KIF25: variants seen among roughly 807,000 people sequenced by gnomAD.
The protein encoded by KIF25 is kinesin-like protein KIF25.
KIF25 carries 19 observed loss-of-function variants against 32.9 expected under a neutral mutation model. The ratio of observed to expected loss-of-function variants is 0.58; its 90% confidence interval spans 0.40 to 0.85. KIF25 has a LOEUF of 0.85. Among genes scored for constraint, KIF25 ranks in the 40% least tolerant of loss-of-function variants. KIF25 has a pLI of 0.00. For missense variants in KIF25, 485 were observed against 507.0 expected (o/e 0.96, Z 0.42); for synonymous variants, 225 against 213.7 (o/e 1.05, Z -0.46).
chr6:168,029,672 C>T lies in KIF25; in HGVS notation c.87C>T (p.Asp29=), dbSNP rs756473649. The stretch of plus-strand genomic sequence containing the variant: ...TCCTGGCCTTCCCAGATGACAAGGA[C>T]CTCAGGTCAGCTTCAGCGTGAGAAG... ...GAVLAFPDDK[D]LRVYGPAESQ... is the part of the protein sequence containing the mutation. Residue 29 remains aspartate, a synonymous_variant, in exon 6 of 13, where the codon GAC becomes GAT. Coordinates refer to ENST00000643607, the MANE Select transcript of KIF25 (RefSeq NM_030615.4). The T allele has an allele frequency of 6.2e-7, 1 of 1,603,950 alleles. No individual in the cohort carries two copies. Among genetic ancestry groups the T allele is most frequent in the Non-Finnish European group, 8.5e-7 (1 of 1,176,110 alleles).
Position 168,038,000 on chromosome 6 carries a change from C to T in KIF25, c.318-553C>T, listed in dbSNP as rs146764643. On this transcript the variant is annotated intron_variant, in intron 8 of 12. Coordinates refer to ENST00000643607, the MANE Select transcript of KIF25 (RefSeq NM_030615.4). ...AAGTGCTGGAATTACAGGTGTGAGC[C>T]ACCGTGCCTGGCTGTGCAGCTGCTT... Among the ~76,000 whole-genome samples the T allele has an allele frequency of 4.4e-3, 664 of 152,214 alleles. 7 individuals are homozygous for T. Among genetic ancestry groups the T allele is most frequent in the African/African-American group, 0.015 (643 of 41,506 alleles).
intron 5 of KIF25, among the ~76,000 whole-genome samples, chr6:168,024,130 A>C (rs374398409): frequency 1.6e-4 from 25 of 152,262 alleles, no homozygotes; most frequent in African/African-American, 6.0e-4. Flanking sequence ...GAGCAAAGCC[A>C]GTCTTCACGT....
At chr6:168,042,439 C>T in intron 11 of KIF25, 122 bp from the exon 12 acceptor site, 1 of 1,243,652 alleles carries the variant, frequency 8.0e-7, no homozygotes, top group Non-Finnish European at 1.1e-6. Flanking sequence ...CACTCTCATG[C>T]CTGTCCCGTC....
rs1252580329 is a variant in KIF25 at position 168,040,154 on chromosome 6, C to T, written c.584C>T (p.Ser195Phe). 6.2e-7 allele frequency: 1 copy of T among 1,614,090 alleles called. No individual in the cohort carries two copies. The highest frequency in any genetic ancestry group is 1.1e-5 in the South Asian group (1 of 91,086). The part of the protein sequence containing the change: ...AKHPTLVHAD[S>F]SRSHLIITVT... ...CACCCCACCCTGGTGCACGCGGATT[C>T]CTCCAGGTCTCACCTGATAATTACG... The change falls in exon 10 of 13, where the codon TCC becomes TTC. Residue 195 changes from serine (S) to phenylalanine (F), a missense_variant. Ser to Phe is a radical substitution (Grantham distance 155). Around this residue, in one of 2 missense-constraint regions of KIF25, gnomAD observed 480 missense variants for 470.3 expected, o/e 1.02. Transcript: ENST00000643607.
chr6:168,005,405 C>T (rs1583124803), intron 4 of KIF25, among the ~76,000 whole-genome samples: 2 of 152,142 alleles, frequency 1.3e-5, no homozygotes, highest in East Asian at 3.9e-4. Context: ...CGGGGTTGGG[C>T]AGAGGCCACT....
At chr6:168,025,300 C>T (rs1019536062) in intron 5 of KIF25, among the ~76,000 whole-genome samples, 3 of 152,126 alleles carry the variant, frequency 2.0e-5, no homozygotes, top group Non-Finnish European at 2.9e-5. Flanking sequence ...CGGTTGGAGG[C>T]CGCTGCTCCA....
At chr6:168,034,069 G>T (rs1301374250) in intron 8 of KIF25, 38 bp downstream of exon 8, 1 of 1,607,476 alleles carries the variant, frequency 6.2e-7, no homozygotes, top group Non-Finnish European at 8.5e-7. Context: ...GAGAAATATG[G>T]CAGGGAAGCC....
chr6:168,040,564 TAAA>T (rs552500284), intron 10 of KIF25, among the ~76,000 whole-genome samples: 5 of 146,048 alleles, frequency 3.4e-5, no homozygotes, highest in African/African-American at 7.5e-5. Context: ...AAAACTCTGT[TAAA>T]AAAAAAAAGA....
intron 11 of KIF25, 73 bp from the exon 12 acceptor site, chr6:168,042,488 C>A: frequency 6.5e-7 from 1 of 1,547,398 alleles, no homozygotes; most frequent in Non-Finnish European, 8.8e-7. Context: ...CCGCTCCTCC[C>A]AAGGAGCCGG....
At chr6:168,044,189 G>A (rs542988187) in intron 12 of KIF25, among the ~76,000 whole-genome samples, 5 of 150,496 alleles carry the variant, frequency 3.3e-5, no homozygotes, top group East Asian at 2.0e-4. Flanking sequence ...GCTAGTGACC[G>A]GCTGCTGACC....
chr6:168,028,774 C>A (rs937568453), intron 5 of KIF25, among the ~76,000 whole-genome samples: 1 of 152,150 alleles, frequency 6.6e-6, no homozygotes, highest in Non-Finnish European at 1.5e-5. Context: ...TTTTCAGGAG[C>A]CTTTTTATCA....
chr6:168,006,778 C>G (rs774047603), intron 4 of KIF25, among the ~76,000 whole-genome samples: 1 of 128,504 alleles, frequency 7.8e-6, no homozygotes, highest in Non-Finnish European at 1.8e-5. Flanking sequence ...ATATGCGGTT[C>G]TACAAGGCCC....
In KIF25 at chr6:168,044,818, A is replaced by G. The variant is rs773032094; in HGVS notation, c.986-9A>G. 3.2e-6 allele frequency: 5 copies of G among 1,573,950 alleles called. No individual in the cohort carries two copies. On this transcript the variant is annotated splice_polypyrimidine_tract_variant and intron_variant, in intron 12 of 12. Transcript: ENST00000643607. ...TTTCCAGCTTGCATGTTGTTTTTCT[A>G]TTTTAAAGGAGGCGATGCGAAGTTA... is the stretch of plus-strand genomic sequence containing the variant.
At chr6:168,036,183 A>C in intron 8 of KIF25, 1 of 163,802 alleles carries the variant, frequency 6.1e-6, no homozygotes, top group Non-Finnish European at 1.3e-5. Context: ...CTTTCTTCTA[A>C]ACCTGGTTGT....
In KIF25 at chr6:168,043,455, G is replaced by A. The variant is rs959833972; in HGVS notation, c.985+739G>A. Among the ~76,000 whole-genome samples, 5 of 152,328 alleles carry A rather than the reference G, an allele frequency of 3.3e-5. 1 individual carries two copies. Among genetic ancestry groups the A allele is most frequent in the Admixed American group, 2.0e-4 (3 of 15,308 alleles). On this transcript the variant is annotated intron_variant, in intron 12 of 12. Coordinates refer to ENST00000643607, the MANE Select transcript of KIF25 (RefSeq NM_030615.4). ...GGGCCACCCTGGGAGGTGGTGGAGG[G>A]GCCGCTGGTGCTCGGGACTCGGGGA...
At chr6:168,000,164 A>C (rs12529500) in intron 2 of KIF25, among the ~76,000 whole-genome samples, 11,993 of 51,216 alleles carry the variant, frequency 0.23, 1,818 homozygotes, top group Non-Finnish European at 0.31. Flanking sequence ...TCTACACCTG[A>C]CCCTCCCCAC....
intron 4 of KIF25, among the ~76,000 whole-genome samples, chr6:168,004,835 G>A (rs971596081): frequency 1.3e-5 from 2 of 152,176 alleles, no homozygotes; most frequent in African/African-American, 4.8e-5. Context: ...ATGATGTCCC[G>A]AGGTGGTGCA....
intron 5 of KIF25, among the ~76,000 whole-genome samples, chr6:168,027,674 C>A (rs1798882077): frequency 6.6e-6 from 1 of 152,166 alleles, no homozygotes; most frequent in Admixed American, 6.5e-5. Context: ...GCCCCTCCTC[C>A]CCGGACAGCC....
chr6:168,042,799 C>T (rs376229943), intron 12 of KIF25, 83 bp downstream of exon 12: 43 of 1,468,736 alleles, frequency 2.9e-5, no homozygotes, highest in South Asian at 7.9e-5. Context: ...TGCACGTCCT[C>T]GAGGGCCACC....
Sources: allele counts gnomAD v4.1 joint callset (sites outside exome capture counted in the v4.1 genomes callset), GRCh38; gene constraint gnomAD v4.1.1; regional missense constraint gnomAD v4.1.1; transcripts MANE v1.5; gene names NCBI Gene and HGNC (gene_info 2026-07-23, HGNC 2026-07-21).